The following MAGI2 variants were observed in gnomAD, a reference collection of about 807,000 sequenced individuals.
MAGI2 encodes membrane-associated guanylate kinase, WW and PDZ domain-containing protein 2.
In MAGI2, 35 loss-of-function variants were observed where a neutral mutation model predicts 133.3. The observed-to-expected ratio is 0.26, with a 90% CI of 0.20 to 0.35. The LOEUF is 0.35. Ranked by LOEUF, MAGI2 falls within the 10% of genes least tolerant of loss-of-function variation. MAGI2 has a pLI of 1.00. For synonymous variants in MAGI2, 729 were observed against 710.6 expected (o/e 1.03, Z -0.41); for missense variants, 1,636 against 1,863.4 (o/e 0.88, Z 2.25).
intron 1 of MAGI2, among the ~76,000 whole-genome samples, chr7:79,181,466 C>T (rs1255813668): frequency 3.9e-5 from 6 of 151,946 alleles, no homozygotes; most frequent in Non-Finnish European, 8.8e-5. Context: ...GCTAGAGCAG[C>T]TGGGACACAG....
chr7:78,473,352 G>A (rs1397669488), intron 6 of MAGI2, among the ~76,000 whole-genome samples: 2 of 152,068 alleles, frequency 1.3e-5, no homozygotes, highest in Admixed American at 6.6e-5. Context: ...TGGCACACAA[G>A]TGTTTGCCTC....
At chr7:78,699,838 C>G (rs961891997) in intron 2 of MAGI2, among the ~76,000 whole-genome samples, 1 of 151,958 alleles carries the variant, frequency 6.6e-6, no homozygotes, top group African/African-American at 2.4e-5. Context: ...TACCAAGAAA[C>G]TTTCAAAACT....
At chr7:78,735,386 CAGCTAA>C (rs1821751708) in intron 2 of MAGI2, among the ~76,000 whole-genome samples, 1 of 152,108 alleles carries the variant, frequency 6.6e-6, no homozygotes, top group African/African-American at 2.4e-5. Context: ...ACAACAGTAA[CAGCTAA>C]CTGGACTATG....
chr7:79,002,989 C>CCTTGTTTAT (rs927938190), intron 2 of MAGI2, among the ~76,000 whole-genome samples: 4 of 150,528 alleles, frequency 2.7e-5, no homozygotes, highest in African/African-American at 9.8e-5. Context: ...TACAGTCAGT[C>CCTTGTTTAT]CTTGTTTATG....
At chr7:79,358,335 T>A (rs898159027) in intron 1 of MAGI2, among the ~76,000 whole-genome samples, 1 of 152,130 alleles carries the variant, frequency 6.6e-6, no homozygotes. Flanking sequence ...TCAACTAATC[T>A]TTCAACATCA....
At position 78,345,937 on chromosome 7, in the gene MAGI2, C is replaced by A. The variant is rs368827830; in HGVS notation, c.1210G>T (p.Ala404Ser). ...GGTATCATACCTCGGAAACCTGGGG[C>A]CTGCAGGGGCTTTGTTCCAAGTTCT... ...HTELGTKPLQ[A>S]PGFREKPLFT... The change falls in exon 8 of 22, where the codon GCC becomes TCC. Residue 404 changes from alanine (A) to serine (S), a missense_variant. By Grantham distance (99) the Ala-to-Ser change is moderately conservative (BLOSUM62 1). This residue lies in a region of MAGI2 where 920 missense variants were observed against 1,093.5 expected (regional missense o/e 0.84). Coordinates refer to ENST00000354212, the MANE Select transcript of MAGI2 (RefSeq NM_012301.4). 97 of 1,613,966 alleles carry A rather than the reference C, an allele frequency of 6.0e-5. No individual in the cohort carries two copies. Among genetic ancestry groups the A allele is most frequent in the Non-Finnish European group, 8.0e-5 (94 of 1,180,014 alleles).
At chr7:79,266,648 A>G (rs1356793333) in intron 1 of MAGI2, among the ~76,000 whole-genome samples, 1 of 152,170 alleles carries the variant, frequency 6.6e-6, no homozygotes, top group African/African-American at 2.4e-5. Context: ...CAGCTACATG[A>G]CATGGCAACA....
At position 78,713,535 on chromosome 7, in the gene MAGI2, C is replaced by T. The variant is rs1281885947; in HGVS notation, c.419-86296G>A. 2.6e-5 allele frequency among the ~76,000 whole-genome samples: 4 copies of T among 152,136 alleles called. No homozygotes were observed. The East Asian group carries it at 7.7e-4, about 29-fold the overall frequency. On this transcript the variant is annotated intron_variant, in intron 2 of 21. Coordinates refer to ENST00000354212, the MANE Select transcript of MAGI2 (RefSeq NM_012301.4). ...GAATTCATTGACAGACTCAGTCTTA[C>T]AGAATCTCTATACATCAAAGGTATT...
At chr7:78,589,311 G>A (rs2150837247) in intron 3 of MAGI2, among the ~76,000 whole-genome samples, 1 of 152,274 alleles carries the variant, frequency 6.6e-6, no homozygotes, top group African/African-American at 2.4e-5. Flanking sequence ...CCCAGTGAGG[G>A]AGGTACCATT....
chr7:78,886,908 GGGA>G (rs910018886), intron 2 of MAGI2, among the ~76,000 whole-genome samples: 1 of 152,102 alleles, frequency 6.6e-6, no homozygotes, highest in African/African-American at 2.4e-5. Context: ...GAATCATGGG[GGGA>G]GTCCCCACCA....
chr7:78,487,177 A>G (rs1180020748), intron 6 of MAGI2: 40 of 88,228 alleles, frequency 4.5e-4, no homozygotes, highest in African/African-American at 1.6e-3. Context: ...GGATGGGGAA[A>G]AAAAAAAAAA....
At chr7:79,217,679 T>C (rs1830124620) in intron 1 of MAGI2, among the ~76,000 whole-genome samples, 1 of 152,056 alleles carries the variant, frequency 6.6e-6, no homozygotes, top group Admixed American at 6.5e-5. Context: ...ACTAGACCTT[T>C]GTTTGAACAG....
chr7:78,991,277 T>C (rs1805747441), intron 2 of MAGI2, among the ~76,000 whole-genome samples: 1 of 150,244 alleles, frequency 6.7e-6, no homozygotes, highest in African/African-American at 2.5e-5. Flanking sequence ...AGTTTCAGTA[T>C]TTTTATAGCA....
At chr7:78,398,131 G>A (rs913664409) in intron 6 of MAGI2, among the ~76,000 whole-genome samples, 1 of 152,264 alleles carries the variant, frequency 6.6e-6, no homozygotes, top group East Asian at 1.9e-4. Flanking sequence ...GCTGTAATCA[G>A]CTAGAAGATT....
intron 2 of MAGI2, among the ~76,000 whole-genome samples, chr7:78,683,134 A>G (rs1296096377): frequency 6.6e-6 from 1 of 152,176 alleles, no homozygotes; most frequent in Admixed American, 6.6e-5. Flanking sequence ...GGTTGTGAAG[A>G]ACTTGGAATC....
intron 2 of MAGI2, among the ~76,000 whole-genome samples, chr7:78,664,166 G>C (rs1375757971): frequency 6.6e-6 from 1 of 152,052 alleles, no homozygotes; most frequent in African/African-American, 2.4e-5. Context: ...ATATATTATT[G>C]AGAAGTGACA....
chr7:78,782,930 C>G, intron 2 of MAGI2, among the ~76,000 whole-genome samples: 1 of 150,328 alleles, frequency 6.7e-6, no homozygotes. Flanking sequence ...GACTCCATCT[C>G]TGGAGATTTT....
chr7:78,444,296 C>G (rs533599415), intron 6 of MAGI2, among the ~76,000 whole-genome samples: 21 of 152,184 alleles, frequency 1.4e-4, no homozygotes, highest in African/African-American at 4.3e-4. Flanking sequence ...AAAACTAAAA[C>G]TTATGGAATA....
chr7:78,862,004 A>C (rs1386405021), intron 2 of MAGI2, among the ~76,000 whole-genome samples: 1 of 152,236 alleles, frequency 6.6e-6, no homozygotes, highest in Non-Finnish European at 1.5e-5. Flanking sequence ...AATAACAAAA[A>C]TTCAGAAGAA....
Sources: allele counts gnomAD v4.1 joint callset (sites outside exome capture counted in the v4.1 genomes callset), GRCh38; gene constraint gnomAD v4.1.1; regional missense constraint gnomAD v4.1.1; transcripts MANE v1.5; gene names NCBI Gene and HGNC (gene_info 2026-07-23, HGNC 2026-07-21).